Variants in AP1AR observed in about 807,000 individuals in gnomAD.
AP1AR encodes the protein adaptor related protein complex 1 associated regulatory protein.
In AP1AR, 29 loss-of-function variants were observed where a neutral mutation model predicts 46.3. The ratio of observed to expected loss-of-function variants is 0.63; its 90% CI spans 0.47 to 0.85. The LOEUF (loss-of-function observed/expected upper bound fraction) is 0.85, where lower values mean the gene tolerates loss of function less well. Ranked by LOEUF, AP1AR falls within the 40% of genes least tolerant of loss-of-function variation. AP1AR has a pLI of 0.00. For synonymous variants in AP1AR, 122 were observed against 122.9 expected, an observed-to-expected ratio of 0.99 and a Z score of 0.05; for missense variants, 357 against 356.3, an observed-to-expected ratio of 1.00 and a Z score of -0.02.
At chr4:112,261,679 G>C (rs1004309913) in intron 5 of AP1AR, among the ~76,000 whole-genome samples, 1 of 151,960 alleles carries the variant, frequency 6.6e-6, no homozygotes, top group African/African-American at 2.4e-5. Context: ...GACCGGGCTT[G>C]GTGGTCATAG....
Position 112,262,450 on chromosome 4 carries a change from C to T in AP1AR, c.283-538C>T, listed in dbSNP as rs1043823986. 2.6e-5 allele frequency among the ~76,000 whole-genome samples: 4 copies of T among 152,278 alleles called. No individual in the cohort carries two copies. In the East Asian group the frequency reaches 5.8e-4, roughly 22 times the overall value. On this transcript the variant is annotated intron_variant, in intron 5 of 9. Transcript: ENST00000274000. ...TAACTTTAACATACAATAGATATTA[C>T]TAAAGCAGCTTATGTGCTCTTATGA...
intron 1 of AP1AR, among the ~76,000 whole-genome samples, chr4:112,237,398 G>A (rs959831469): frequency 6.6e-6 from 1 of 152,146 alleles, no homozygotes; most frequent in East Asian, 1.9e-4. Flanking sequence ...GAGCCACTGC[G>A]CCTGGCCAAA....
rs148242829 is a variant in AP1AR at position 112,246,931 on chromosome 4, A to G, written c.84-6277A>G. Among the ~76,000 whole-genome samples the G allele has an allele frequency of 2.8e-3, 430 of 152,288 alleles. 2 individuals carry two copies. Among genetic ancestry groups the G allele is most frequent in the Middle Eastern group, 0.01 (3 of 294 alleles). On this transcript the variant is annotated intron_variant, in intron 1 of 9. Transcript: ENST00000274000. ...CATTTTACACATCTTTTTTAAAAAT[A>G]TGATTAACTTCCTTCTCTTTCTTTT...
At chr4:112,250,642 T>G (rs1231578534) in intron 1 of AP1AR, among the ~76,000 whole-genome samples, 2 of 152,206 alleles carry the variant, frequency 1.3e-5, no homozygotes, top group African/African-American at 4.8e-5. Context: ...AGTCACAGGA[T>G]AAAGCTCCCC....
chr4:112,244,696 C>T (rs556403277), intron 1 of AP1AR, among the ~76,000 whole-genome samples: 3 of 151,942 alleles, frequency 2.0e-5, no homozygotes, highest in Non-Finnish European at 4.4e-5. Context: ...GATTTTTGCC[C>T]AAAGATGGGT....
intron 5 of AP1AR, 104 bp downstream of exon 5, chr4:112,260,966 C>G (rs1367165106): frequency 3.5e-6 from 2 of 576,836 alleles, no homozygotes; most frequent in Non-Finnish European, 2.8e-6. Flanking sequence ...TAGATATATA[C>G]AGATGAATCT....
At position 112,271,268 on chromosome 4, in the gene AP1AR, A is replaced by G. The variant is rs1242967281; in HGVS notation, c.*2859A>G. Among the ~76,000 whole-genome samples, 1 of 152,228 alleles carries G rather than the reference A, an allele frequency of 6.6e-6. No homozygotes were observed. Among genetic ancestry groups the G allele is most frequent in the Non-Finnish European group, 1.5e-5 (1 of 68,032 alleles). On this transcript the variant is annotated 3_prime_UTR_variant, in exon 10 of 10. Transcript: ENST00000274000. Reference sequence around the variant, plus strand: ...CTGTCAAAGGGCCATTTATCTTGCAAAATACCTCCCTGTCTTGCAAAAGGC... The same window carrying G: ...CTGTCAAAGGGCCATTTATCTTGCAGAATACCTCCCTGTCTTGCAAAAGGC...
intron 2 of AP1AR, 77 bp downstream of exon 2, chr4:112,253,333 A>G: frequency 2.8e-6 from 3 of 1,055,400 alleles, no homozygotes; most frequent in Non-Finnish European, 4.3e-6. Flanking sequence ...AAAGAGGGAA[A>G]GATCTGGACC....
rs1467370772 is a variant in AP1AR, at chr4:112,268,499, A to G, written c.*90A>G. 1.4e-5 allele frequency: 19 copies of G among 1,313,850 alleles called. No individual in the cohort carries two copies. Among genetic ancestry groups the G allele is most frequent in the Non-Finnish European group, 1.7e-5 (17 of 975,040 alleles). The allele number at this position is 1,313,850 out of a possible 1,614,324, so 81.4% of individuals were successfully genotyped here. On this transcript the variant is annotated 3_prime_UTR_variant, in exon 10 of 10. Transcript: ENST00000274000. ...AGTGATTGTGCTTAGCCTTTTTGTA[A>G]GGGAGATGTGTAAGAAACCATGTTG...
At chr4:112,266,518 A>G in intron 8 of AP1AR, 70 bp from the exon 9 acceptor site, 1 of 1,420,224 alleles carries the variant, frequency 7.0e-7, no homozygotes, top group South Asian at 1.3e-5. Flanking sequence ...GATAATTGTT[A>G]CAAAATAAAA....
chr4:112,252,009 GGAGTCCCAGAATTACTT>G (rs1319877873), intron 1 of AP1AR, among the ~76,000 whole-genome samples: 1 of 152,020 alleles, frequency 6.6e-6, no homozygotes, highest in African/African-American at 2.4e-5. Flanking sequence ...CTGCACTTTG[GGAGTCCCAGAATTACTT>G]GAGCCCAAGA....
chr4:112,233,135 A>T (rs1725090642), intron 1 of AP1AR, among the ~76,000 whole-genome samples: 1 of 152,214 alleles, frequency 6.6e-6, no homozygotes, highest in African/African-American at 2.4e-5. Flanking sequence ...AATTTTTCAT[A>T]ATCTGTTCCA....
intron 9 of AP1AR, among the ~76,000 whole-genome samples, chr4:112,267,287 G>A (rs573922771): frequency 1.3e-5 from 2 of 151,828 alleles, no homozygotes; most frequent in East Asian, 3.9e-4. Flanking sequence ...CAATCTCTTT[G>A]TGAATCCTAG....
At chr4:112,234,597 G>A (rs1725160794) in intron 1 of AP1AR, among the ~76,000 whole-genome samples, 1 of 151,072 alleles carries the variant, frequency 6.6e-6, no homozygotes, top group Admixed American at 6.6e-5. Context: ...GCAGCTTCCA[G>A]TAAGCATGTA....
intron 6 of AP1AR, among the ~76,000 whole-genome samples, 195 bp downstream of exon 6, chr4:112,263,281 A>G (rs1312325119): frequency 6.6e-6 from 1 of 152,228 alleles, no homozygotes; most frequent in Non-Finnish European, 1.5e-5. Context: ...ATCAGATTAC[A>G]TGCTTGATAC....
At chr4:112,262,887 TA>T in intron 5 of AP1AR, 100 bp from the exon 6 acceptor site, 2 of 752,312 alleles carry the variant, frequency 2.7e-6, no homozygotes, top group Non-Finnish European at 4.5e-6. Context: ...AATTATTTTT[TA>T]ATAATTTATT....
rs1726864151 is a variant in AP1AR at position 112,269,590 on chromosome 4, C to G, written c.*1181C>G. ...ATGTTTTTAATTTTTTTTCCTCTTG[C>G]AACAATGACGGTGCATGTTCTTATA... On this transcript the variant is annotated 3_prime_UTR_variant, in exon 10 of 10. Transcript: ENST00000274000. The G allele has an allele frequency of 6.6e-6, 1 of 151,698 alleles. No individual in the cohort carries two copies. Among genetic ancestry groups the G allele is most frequent in the South Asian group, 2.1e-4 (1 of 4,808 alleles). The allele number at this position is 151,698 out of a possible 1,614,324, so 9.4% of individuals were successfully genotyped here.
chr4:112,266,630 G>A lies in AP1AR; in HGVS notation c.557G>A (p.Ser186Asn). 6.2e-7 allele frequency: 1 copy of A among 1,610,944 alleles called. No individual in the cohort carries two copies. The highest frequency in any genetic ancestry group is 1.1e-5 in the South Asian group (1 of 90,938). ...ACAGTTTTGACACCAAATACAGAAA[G>A]CAGTTGTGATTTAATGACCAAAACT... ...DATVLTPNTE[S>N]SCDLMTKTKS... The change falls in exon 9 of 10, where the codon AGC becomes AAC. Residue 186 changes from serine to asparagine, a missense_variant. Physicochemically the swap from Ser to Asn is conservative, Grantham distance 46 (BLOSUM62 1). Coordinates refer to ENST00000274000, the MANE Select transcript of AP1AR (RefSeq NM_018569.6).
chr4:112,263,602 G>A (rs1283227897), intron 6 of AP1AR, among the ~76,000 whole-genome samples: 1 of 151,900 alleles, frequency 6.6e-6, no homozygotes, highest in Non-Finnish European at 1.5e-5. Flanking sequence ...TTGGGAGTTT[G>A]GGTCTTGAGA....
Sources: gnomAD v4.1 joint callset for allele counts (sites outside exome capture counted in the v4.1 genomes callset) on GRCh38, gnomAD v4.1.1 for gene constraint, MANE v1.5 for transcripts, NCBI Gene and HGNC (gene_info 2026-07-23, HGNC 2026-07-21) for gene names.